PPP1R21: variants seen among roughly 807,000 people sequenced by gnomAD.
PPP1R21 encodes KLRAQ motif containing 1.
In PPP1R21, 85 loss-of-function variants were observed where a neutral mutation model predicts 112.8. The ratio of observed to expected loss-of-function variants is 0.75; its 90% CI spans 0.63 to 0.90. The LOEUF is 0.90. PPP1R21 is among the 40% of genes least tolerant of loss of function. The pLI, the probability that PPP1R21 is intolerant of heterozygous loss-of-function variation, is 0.00. For synonymous variants in PPP1R21, 381 were observed against 322.3 expected (o/e 1.18, Z -1.95); for missense variants, 1,199 against 901.5 (o/e 1.33, Z -4.23).
At chr2:48,471,246 A>C (rs770188898) in intron 10 of PPP1R21, 33 bp from the exon 11 acceptor site, 10 of 1,607,342 alleles carry the variant, frequency 6.2e-6, no homozygotes, top group Non-Finnish European at 8.5e-6. Flanking sequence ...GTCCAGTAGC[A>C]CTTTTAACCT....
intron 15 of PPP1R21, among the ~76,000 whole-genome samples, chr2:48,492,141 A>T (rs1428960365): frequency 6.6e-6 from 1 of 152,244 alleles, no homozygotes; most frequent in Non-Finnish European, 1.5e-5. Context: ...TATGCAGTGC[A>T]TAAACACATT....
intron 19 of PPP1R21, among the ~76,000 whole-genome samples, chr2:48,507,773 T>C (rs1670452688): frequency 8.2e-6 from 1 of 121,584 alleles, no homozygotes; most frequent in Non-Finnish European, 1.8e-5. Context: ...TTTTTTTTTT[T>C]TTTTTTTTTT....
intron 3 of PPP1R21, among the ~76,000 whole-genome samples, chr2:48,455,533 G>A (rs1020947907): frequency 6.6e-6 from 1 of 152,086 alleles, no homozygotes. Flanking sequence ...AAATGTTAGG[G>A]ACATTTATAT....
At chr2:48,475,870 A>G (rs898241204) in intron 12 of PPP1R21, among the ~76,000 whole-genome samples, 3 of 152,110 alleles carry the variant, frequency 2.0e-5, no homozygotes, top group Non-Finnish European at 4.4e-5. Context: ...ATTTTTGGGT[A>G]ACTGAATGGA....
chr2:48,446,488 T>C (rs1473311856), intron 1 of PPP1R21, among the ~76,000 whole-genome samples: 2 of 152,182 alleles, frequency 1.3e-5, no homozygotes, highest in Non-Finnish European at 2.9e-5. Flanking sequence ...TCAAATTATT[T>C]GGAGAGTCTT....
At chr2:48,466,669 A>G (rs1431570342) in intron 9 of PPP1R21, among the ~76,000 whole-genome samples, 1 of 152,150 alleles carries the variant, frequency 6.6e-6, no homozygotes, top group Admixed American at 6.5e-5. Flanking sequence ...GTCTTGAAAA[A>G]TTAGCAAGGT....
chr2:48,470,519 CAAAA>C (rs34486239), intron 9 of PPP1R21, among the ~76,000 whole-genome samples: 2 of 79,380 alleles, frequency 2.5e-5, no homozygotes, highest in Admixed American at 1.4e-4. Flanking sequence ...AACTCTGTCT[CAAAA>C]AAAAAAAAAA....
At chr2:48,451,799 A>G (rs541938837) in intron 2 of PPP1R21, among the ~76,000 whole-genome samples, 2 of 152,334 alleles carry the variant, frequency 1.3e-5, no homozygotes, top group South Asian at 4.1e-4. Flanking sequence ...CTCTTTAGAC[A>G]GATGGGATTA....
chr2:48,482,568 A>G (rs1052963460), intron 13 of PPP1R21, among the ~76,000 whole-genome samples: 1 of 151,864 alleles, frequency 6.6e-6, no homozygotes, highest in Non-Finnish European at 1.5e-5. Context: ...TATATCATCT[A>G]GACATTTTGG....
intron 18 of PPP1R21, among the ~76,000 whole-genome samples, chr2:48,506,569 A>C (rs1274750050): frequency 1.3e-5 from 2 of 152,226 alleles, no homozygotes; most frequent in African/African-American, 4.8e-5. Flanking sequence ...TAAACTCAAC[A>C]GGGTGTCATT....
chr2:48,484,351 C>A (rs1384354783), intron 13 of PPP1R21, among the ~76,000 whole-genome samples: 3 of 152,080 alleles, frequency 2.0e-5, no homozygotes, highest in Non-Finnish European at 4.4e-5. Flanking sequence ...ATTGTTTGAT[C>A]TTTAGTCTCA....
At position 48,514,941 on chromosome 2, in the gene PPP1R21, A is replaced by G. The variant is rs1670807357; in HGVS notation, c.*197A>G. The stretch of plus-strand genomic sequence containing the variant: ...ACCAGTGAGGCAAATACAGAAGTTG[A>G]TGTCGGCAGTAAATGGAAAACAATA... On this transcript the variant is annotated 3_prime_UTR_variant, in exon 22 of 22. Coordinates refer to ENST00000294952, the MANE Select transcript of PPP1R21 (RefSeq NM_001135629.3). The G allele has an allele frequency of 1.8e-6, 1 of 557,382 alleles. No individual in the cohort carries two copies. Among genetic ancestry groups the G allele is most frequent in the African/African-American group, 1.9e-5 (1 of 52,934 alleles). 34.5% of individuals were successfully genotyped at this position (557,382 alleles called of 1,614,324 possible).
chr2:48,493,011 CTTTTTT>C (rs746795481), intron 15 of PPP1R21, among the ~76,000 whole-genome samples: 71 of 96,670 alleles, frequency 7.3e-4, no homozygotes, highest in African/African-American at 2.8e-3. Context: ...GGTCATTTAC[CTTTTTT>C]TTTTTTTTTT....
intron 17 of PPP1R21, among the ~76,000 whole-genome samples, chr2:48,504,175 G>A (rs1415107474): frequency 2.0e-5 from 3 of 152,050 alleles, no homozygotes; most frequent in Non-Finnish European, 4.4e-5. Context: ...CTAAAAGAGA[G>A]TAATTGCTAC....
chr2:48,486,293 A>G (rs1055888431), intron 13 of PPP1R21, among the ~76,000 whole-genome samples: 1 of 152,182 alleles, frequency 6.6e-6, no homozygotes, highest in East Asian at 1.9e-4. Context: ...TGCCTGTTAC[A>G]CTATCAAAAC....
At chr2:48,450,915 T>C in intron 1 of PPP1R21, 93 bp from the exon 2 acceptor site, 1 of 966,158 alleles carries the variant, frequency 1.0e-6, no homozygotes, top group East Asian at 2.4e-5. Context: ...ACTTAGTTAC[T>C]CAGTGTAATG....
chr2:48,493,275 G>A (rs921649312), intron 15 of PPP1R21, among the ~76,000 whole-genome samples: 15 of 152,150 alleles, frequency 9.9e-5, no homozygotes, highest in South Asian at 6.2e-4. Context: ...AAAGTGCTGG[G>A]ATTACAGGCG....
chr2:48,498,059 G>GTGGCATTGCATACCTTTTAATTTGT (rs1186407541), intron 16 of PPP1R21, among the ~76,000 whole-genome samples: 7 of 152,100 alleles, frequency 4.6e-5, no homozygotes, highest in African/African-American at 1.4e-4. Flanking sequence ...TTGATAATTA[G>GTGGCATTGCATACCTTTTAATTTGT]TGGCATTGCA....
chr2:48,485,000 A>G (rs1180519941), intron 13 of PPP1R21, among the ~76,000 whole-genome samples: 1 of 134,292 alleles, frequency 7.4e-6, no homozygotes, highest in African/African-American at 2.9e-5. Flanking sequence ...TGTGATGTGT[A>G]GAAAGAAAAT....
Sources: allele counts gnomAD v4.1 joint callset (sites outside exome capture counted in the v4.1 genomes callset), GRCh38; gene constraint gnomAD v4.1.1; transcripts MANE v1.5; gene names NCBI Gene and HGNC (gene_info 2026-07-23, HGNC 2026-07-21).